Variants in ARHGAP17 observed in about 807,000 individuals in gnomAD.
ARHGAP17 encodes the protein rho GTPase-activating protein 17.
ARHGAP17 carries 57 observed loss-of-function variants against 99.5 expected under a neutral mutation model. That is an observed-to-expected ratio of 0.57 (90% CI 0.46 to 0.71). The LOEUF (loss-of-function observed/expected upper bound fraction) is 0.71, where lower values mean the gene tolerates loss of function less well. ARHGAP17 is among the 30% of genes least tolerant of loss of function. ARHGAP17 has a pLI of 0.00. For synonymous variants in ARHGAP17, 417 were observed against 429.6 expected (o/e 0.97, Z 0.36); for missense variants, 1,000 against 1,122.4 (o/e 0.89, Z 1.56).
chr16:25,005,907 C>A (rs866518916), intron 1 of ARHGAP17, among the ~76,000 whole-genome samples: 3 of 152,132 alleles, frequency 2.0e-5, no homozygotes, highest in Admixed American at 1.3e-4. Context: ...AACTAAATGA[C>A]GGCATTATCA....
At position 24,977,297 on chromosome 16, in the gene ARHGAP17, A is replaced by G; in HGVS notation, c.116T>C (p.Val39Ala). 6.3e-7 allele frequency: 1 copy of G among 1,593,616 alleles called. No individual in the cohort carries two copies. Among genetic ancestry groups the G allele is most frequent in the South Asian group, 1.1e-5 (1 of 88,130 alleles). ...LLQIERRLDT[V>A]RSICHHSHKR... ...ATGGGAATGGTGGCATATTGACCGC[A>G]CCGTGTCCAGGCGTCTCTCAATCTG... is the stretch of plus-strand genomic sequence containing the variant. The change falls in exon 3 of 20, where the codon GTG becomes GCG. Residue 39 changes from valine to alanine, a missense_variant. Physicochemically the swap from Val to Ala is moderately conservative, Grantham distance 64. Around this residue, in one of 2 missense-constraint regions of ARHGAP17, gnomAD observed 472 missense variants for 611.1 expected, o/e 0.77. Transcript: ENST00000289968.
chr16:24,953,096 A>G, intron 10 of ARHGAP17, 54 bp from the exon 11 acceptor site: 1 of 1,523,158 alleles, frequency 6.6e-7, no homozygotes, highest in Non-Finnish European at 9.1e-7. Context: ...CACTCAGACT[A>G]AGTGGCAGTG....
At chr16:24,949,091 G>C (rs2141221196) in intron 13 of ARHGAP17, 1 of 232,110 alleles carries the variant, frequency 4.3e-6, no homozygotes, top group East Asian at 9.2e-5. Context: ...TAACATACTG[G>C]ATGATTTGGA....
chr16:24,976,416 C>T (rs1442253742), intron 3 of ARHGAP17, among the ~76,000 whole-genome samples: 1 of 152,090 alleles, frequency 6.6e-6, no homozygotes, highest in East Asian at 1.9e-4. Context: ...GTGGTCTCAG[C>T]TGCTTGGGAG....
At chr16:24,966,865 T>C (rs990051690) in intron 6 of ARHGAP17, among the ~76,000 whole-genome samples, 1 of 152,188 alleles carries the variant, frequency 6.6e-6, no homozygotes, top group Non-Finnish European at 1.5e-5. Context: ...GCAAGTCATA[T>C]AGATAACAAA....
intron 3 of ARHGAP17, among the ~76,000 whole-genome samples, chr16:24,974,067 C>T (rs2052445700): frequency 6.6e-6 from 1 of 152,168 alleles, no homozygotes; most frequent in Non-Finnish European, 1.5e-5. Flanking sequence ...CAGCCAGTGT[C>T]CCTCAGAAGA....
chr16:25,009,329 T>C (rs780446418), intron 1 of ARHGAP17, among the ~76,000 whole-genome samples: 38 of 145,518 alleles, frequency 2.6e-4, no homozygotes, highest in Non-Finnish European at 4.6e-4. Flanking sequence ...ATTGTACCAC[T>C]GCACTCCAGT....
chr16:24,930,845 G>A lies in ARHGAP17; in HGVS notation c.2454C>T (p.Val818=). The A allele has an allele frequency of 6.2e-7, 1 of 1,614,074 alleles. No homozygotes were observed. Among genetic ancestry groups the A allele is most frequent in the South Asian group, 1.1e-5 (1 of 91,064 alleles). Residue 818 remains valine (V), a synonymous_variant, in exon 19 of 20, where the codon GTC becomes GTT. Transcript: ENST00000289968. ...SVPPPPQPPG[V]HSAGDSSLTN... is the part of the protein sequence containing the mutation. ...TGAGGCTGCTGTCCCCAGCTGAGTG[G>A]ACACCAGGAGGTTGGGGGGGTGGGG...
At chr16:24,926,792 T>C (rs2050853589) in intron 19 of ARHGAP17, among the ~76,000 whole-genome samples, 1 of 152,260 alleles carries the variant, frequency 6.6e-6, no homozygotes, top group East Asian at 1.9e-4. Flanking sequence ...TTTTAACCCA[T>C]GAAAGAAGTG....
At chr16:25,001,030 A>G (rs7186681) in intron 1 of ARHGAP17, among the ~76,000 whole-genome samples, 9,618 of 152,292 alleles carry the variant, frequency 0.063, 920 homozygotes, top group African/African-American at 0.2. Context: ...CATGTTCCTG[A>G]AATGTCCAAT....
At chr16:25,005,173 C>T (rs1230247973) in intron 1 of ARHGAP17, among the ~76,000 whole-genome samples, 22 of 152,228 alleles carry the variant, frequency 1.4e-4, no homozygotes, top group Admixed American at 1.4e-3. Flanking sequence ...GCCTTGGCCT[C>T]CCAAAGTGCT....
intron 9 of ARHGAP17, chr16:24,954,963 C>T (rs2051763344): frequency 2.1e-6 from 1 of 483,604 alleles, no homozygotes; most frequent in African/African-American, 2.0e-5. Context: ...CTAGATGGCA[C>T]CAACTCAGGC....
chr16:24,927,330 G>A (rs1171455268), intron 19 of ARHGAP17, among the ~76,000 whole-genome samples: 1 of 152,214 alleles, frequency 6.6e-6, no homozygotes, highest in South Asian at 2.1e-4. Context: ...AGATCAGCCA[G>A]GTTGTGCCTA....
rs568194986 is a variant in ARHGAP17, at chr16:24,988,274, A to T, written c.54-9269T>A. Among the ~76,000 whole-genome samples the T allele has an allele frequency of 2.0e-5, 3 of 152,330 alleles. No homozygotes were observed. In the South Asian group the frequency reaches 6.2e-4, roughly 32 times the overall value. ...AACTTTAAAAATGAAGCAATTTGTT[A>T]TACCTGCCACAAAGCAGTTTAAAAG... On this transcript the variant is annotated intron_variant, in intron 1 of 19. Coordinates refer to ENST00000289968, the MANE Select transcript of ARHGAP17 (RefSeq NM_001006634.3).
chr16:24,976,195 C>T (rs889714703), intron 3 of ARHGAP17, among the ~76,000 whole-genome samples: 4 of 152,182 alleles, frequency 2.6e-5, no homozygotes, highest in African/African-American at 9.7e-5. Flanking sequence ...TTCAATCTGC[C>T]AAGAGCTTGG....
chr16:25,015,086 T>C, intron 1 of ARHGAP17, 123 bp downstream of exon 1: 1 of 975,354 alleles, frequency 1.0e-6, no homozygotes, highest in Non-Finnish European at 1.3e-6. Flanking sequence ...GCCCCGCTGG[T>C]CTCGGGCAGG....
chr16:25,011,141 A>C (rs1165621627), intron 1 of ARHGAP17, among the ~76,000 whole-genome samples: 1 of 152,196 alleles, frequency 6.6e-6, no homozygotes, highest in Non-Finnish European at 1.5e-5. Context: ...AAGGGTTTTC[A>C]AGAAACAAAA....
In ARHGAP17 at chr16:24,939,562, C is replaced by T. The variant is rs1465006104; in HGVS notation, c.1526G>A (p.Arg509Gln). 11 of 1,607,696 alleles carry T rather than the reference C, an allele frequency of 6.8e-6. No homozygotes were observed. The highest frequency in any genetic ancestry group is 3.4e-5 in the Admixed American group (2 of 58,728). The change falls in exon 17 of 20, where the codon CGG (arginine) becomes CAG (glutamine). Residue 509 changes from arginine to glutamine, a missense_variant. Physicochemically the swap from Arg to Gln is conservative, Grantham distance 43. Transcript: ENST00000289968. ...GVKLMDFQAH[R>Q]RGGTLNRKHI... ...CTTTCTATTTAGAGTGCCACCCCGCCGGTGGGCCTGGAAGTCCATAAGCTT... is the reference window on the plus strand; with the variant it reads ...CTTTCTATTTAGAGTGCCACCCCGCTGGTGGGCCTGGAAGTCCATAAGCTT...
chr16:24,954,835 AG>A, intron 9 of ARHGAP17, 105 bp from the exon 10 acceptor site: 1 of 1,469,464 alleles, frequency 6.8e-7, no homozygotes, highest in Non-Finnish European at 9.3e-7. Flanking sequence ...CTGGTAGGTG[AG>A]GCTGTGCAAG....
Sources: gnomAD v4.1 joint callset for allele counts (sites outside exome capture counted in the v4.1 genomes callset) on GRCh38, gnomAD v4.1.1 for gene constraint, gnomAD v4.1.1 regional missense constraint, MANE v1.5 for transcripts, NCBI Gene and HGNC (gene_info 2026-07-23, HGNC 2026-07-21) for gene names.